The following LARP7 variants were observed in gnomAD, a reference collection of about 807,000 sequenced individuals.
LARP7 encodes la-related protein 7.
LARP7 carries 52 observed loss-of-function variants against 69.3 expected under a neutral mutation model. The ratio of observed to expected loss-of-function variants is 0.75; its 90% CI spans 0.60 to 0.95. The LOEUF (loss-of-function observed/expected upper bound fraction) is 0.95. Ranked by LOEUF, LARP7 falls within the 40% of genes least tolerant of loss-of-function variation. The pLI is 0.00. For synonymous variants in LARP7, 254 were observed against 215.9 expected (o/e 1.18, Z -1.55); for missense variants, 733 against 673.0 (o/e 1.09, Z -0.99).
intron 1 of LARP7, chr4:112,644,222 A>G (rs370170427): frequency 7.0e-4 from 136 of 195,290 alleles, no homozygotes; most frequent in African/African-American, 2.5e-3. Flanking sequence ...AGCCTGCACA[A>G]CAAAAGGGAA....
chr4:112,646,827 G>C lies in LARP7; in HGVS notation c.424G>C (p.Glu142Gln). ...LPKNVNHSWI[E>Q]RVFGKCGNVV... ...CAAAAATGTTAATCACAGCTGGATT[G>C]AAAGAGTATTTGGGAAATGTGGCAA... Residue 142 changes from glutamate to glutamine, a missense_variant, in exon 5 of 13, where the codon GAA becomes CAA. Coordinates refer to ENST00000344442, the MANE Select transcript of LARP7 (RefSeq NM_016648.4). The C allele has an allele frequency of 6.2e-7, 1 of 1,603,490 alleles. No individual in the cohort carries two copies. Among genetic ancestry groups the C allele is most frequent in the South Asian group, 1.1e-5 (1 of 88,232 alleles).
chr4:112,650,224 G>A (rs1382584239), intron 9 of LARP7, among the ~76,000 whole-genome samples: 1 of 151,980 alleles, frequency 6.6e-6, no homozygotes, highest in Admixed American at 6.6e-5. Flanking sequence ...AAGGCTTTAC[G>A]AATGCTCTTC....
chr4:112,639,166 C>T (rs1329433421), intron 1 of LARP7, among the ~76,000 whole-genome samples: 1 of 151,744 alleles, frequency 6.6e-6, no homozygotes, highest in Non-Finnish European at 1.5e-5. Context: ...GGTATTGTTA[C>T]CCAATAACTT....
intron 11 of LARP7, among the ~76,000 whole-genome samples, chr4:112,653,752 G>A (rs747946442): frequency 1.1e-4 from 16 of 152,144 alleles, no homozygotes; most frequent in African/African-American, 3.4e-4. Context: ...GCCCCCCAAA[G>A]TGCTGGGATT....
chr4:112,654,418 G>A (rs1202266392), intron 12 of LARP7: 1 of 304,794 alleles, frequency 3.3e-6, no homozygotes, highest in African/African-American at 2.1e-5. Flanking sequence ...TACTTTAACA[G>A]TCTTGATATC....
Position 112,644,665 on chromosome 4 carries a change from C to A in LARP7, c.-2-3C>A, listed in dbSNP as rs756133669. On this transcript the variant is annotated splice_region_variant and splice_polypyrimidine_tract_variant and intron_variant, in intron 1 of 12. Transcript: ENST00000344442. ...ATTTACATCTTTTTCTTGTAATTCA[C>A]AGGAATGGAAACTGAAAGTGGAAAT... 1.9e-6 allele frequency: 3 copies of A among 1,582,524 alleles called. No individual in the cohort carries two copies. The highest frequency in any genetic ancestry group is 4.5e-5 in the East Asian group (2 of 44,334).
chr4:112,648,077 C>T (rs745640158), intron 8 of LARP7: 2 of 616,452 alleles, frequency 3.2e-6, no homozygotes, highest in Non-Finnish European at 6.4e-6. Flanking sequence ...AGAGGGGGCC[C>T]CTTAACAGAT....
intron 1 of LARP7, 68 bp from the exon 2 acceptor site, chr4:112,644,600 C>G (rs972202028): frequency 4.8e-6 from 6 of 1,240,572 alleles, no homozygotes; most frequent in South Asian, 4.7e-5. Flanking sequence ...AAAGGCTAAT[C>G]TAAATATTTA....
intron 12 of LARP7, 42 bp from the exon 13 acceptor site, chr4:112,657,204 TG>T: frequency 1.2e-6 from 1 of 864,472 alleles, no homozygotes; most frequent in African/African-American, 3.2e-5. Flanking sequence ...GTGTGTGTTT[TG>T]AGTATCCAAT....
In LARP7 at chr4:112,650,419, G is replaced by C. The variant is rs142832684; in HGVS notation, c.1295-42G>C. On this transcript the variant is annotated intron_variant, in intron 9 of 12. Coordinates refer to ENST00000344442, the MANE Select transcript of LARP7 (RefSeq NM_016648.4). ...CTCCTAAGTATTAAATTGTTGTTAA[G>C]TGTAAGAGATTTAGTCCTGGTCTTT... The C allele has an allele frequency of 9.7e-4, 1,565 of 1,606,108 alleles. 3 individuals carry two copies. The highest frequency in any genetic ancestry group is 8.0e-3 in the African/African-American group (598 of 74,764).
At chr4:112,656,985 T>C (rs1358932567) in intron 12 of LARP7, among the ~76,000 whole-genome samples, 1 of 152,206 alleles carries the variant, frequency 6.6e-6, no homozygotes, top group Non-Finnish European at 1.5e-5. Flanking sequence ...TCATTTGCCT[T>C]CCTTAAAAAT....
chr4:112,653,951 G>T, intron 11 of LARP7, 117 bp from the exon 12 acceptor site: 1 of 750,342 alleles, frequency 1.3e-6, no homozygotes, highest in South Asian at 1.7e-5. Context: ...GTGTAAAGTA[G>T]CATTAAATAT....
At chr4:112,641,467 A>G (rs1338874204) in intron 1 of LARP7, among the ~76,000 whole-genome samples, 2 of 152,196 alleles carry the variant, frequency 1.3e-5, no homozygotes, top group African/African-American at 4.8e-5. Flanking sequence ...TTAAATGGTA[A>G]TTCTATCTGG....
chr4:112,650,348 G>A (rs927531480), intron 9 of LARP7, 113 bp from the exon 10 acceptor site: 18 of 1,011,614 alleles, frequency 1.8e-5, no homozygotes, highest in Admixed American at 5.3e-5. Flanking sequence ...AATTAAATAC[G>A]TTTTAAATTA....
At position 112,647,389 on chromosome 4, in the gene LARP7, G is replaced by C. The variant is rs754602989; in HGVS notation, c.837G>C (p.Arg279=). 64 of 1,613,806 alleles carry C rather than the reference G, an allele frequency of 4.0e-5. No individual in the cohort carries two copies. Among genetic ancestry groups the C allele is most frequent in the Middle Eastern group, 3.3e-4 (2 of 6,084 alleles). The change falls in exon 7 of 13, where the codon CGG becomes CGC. Residue 279 remains arginine, a synonymous_variant. Transcript: ENST00000344442. ...AGTGCTCAAAGAAAAAGAAAAAACG[G>C]GACAGAGTTGAAGCATCTAGCTTAC... ...QKQCSKKKKK[R]DRVEASSLPE...
chr4:112,649,939 G>GCA (rs924627427), intron 9 of LARP7: 31 of 251,268 alleles, frequency 1.2e-4, no homozygotes, highest in Non-Finnish European at 8.3e-5. Context: ...GCACATGAGT[G>GCA]CAGAGTTTGC....
chr4:112,643,385 T>G (rs552389870), intron 1 of LARP7, among the ~76,000 whole-genome samples: 7 of 152,036 alleles, frequency 4.6e-5, no homozygotes, highest in Non-Finnish European at 8.8e-5. Flanking sequence ...AGAGAACAGG[T>G]TTAAAAGACC....
intron 10 of LARP7, among the ~76,000 whole-genome samples, chr4:112,651,310 G>C (rs770872070): frequency 2.6e-5 from 4 of 152,102 alleles, no homozygotes; most frequent in Non-Finnish European, 5.9e-5. Flanking sequence ...CCATTGAGGT[G>C]GTGGTTTGTT....
chr4:112,644,908 A>AT, intron 2 of LARP7, 37 bp downstream of exon 2: 1 of 858,490 alleles, frequency 1.2e-6, no homozygotes, highest in Non-Finnish European at 1.7e-6. Context: ...ATTTTTAGAT[A>AT]TGGTTGCCTT....
Sources: allele counts gnomAD v4.1 joint callset (sites outside exome capture counted in the v4.1 genomes callset), GRCh38; gene constraint gnomAD v4.1.1; transcripts MANE v1.5; gene names NCBI Gene and HGNC (gene_info 2026-07-23, HGNC 2026-07-21).